Variants in SVIL observed in about 807,000 individuals in gnomAD.
The protein encoded by SVIL is archvillin.
SVIL carries 101 observed loss-of-function variants against 240.4 expected under a neutral mutation model. That is an observed-to-expected ratio of 0.42 (90% CI 0.36 to 0.50). SVIL has a LOEUF of 0.50. SVIL is among the 20% of genes least tolerant of loss of function. SVIL has a pLI of 0.01. For missense variants in SVIL, 2,512 were observed against 2,818.7 expected (o/e 0.89, Z 2.46); for synonymous variants, 999 against 1,100.0 (o/e 0.91, Z 1.82).
intron 16 of SVIL, among the ~76,000 whole-genome samples, chr10:29,516,706 G>C (rs1950224792): frequency 6.6e-6 from 1 of 152,236 alleles, no homozygotes; most frequent in Non-Finnish European, 1.5e-5. Flanking sequence ...CCCAGAGAGA[G>C]GCACGACACT....
chr10:29,579,219 T>C (rs1024255850), intron 1 of SVIL, among the ~76,000 whole-genome samples: 10 of 151,736 alleles, frequency 6.6e-5, no homozygotes, highest in African/African-American at 2.2e-4. Flanking sequence ...GGGCGGATCA[T>C]GAGGTCAGGA....
chr10:29,683,378 T>C (rs1333216320), intron 2 of SVIL, among the ~76,000 whole-genome samples: 1 of 152,218 alleles, frequency 6.6e-6, no homozygotes, highest in Non-Finnish European at 1.5e-5. Context: ...TAAAGGTTTC[T>C]TATTAGACTT....
intron 28 of SVIL, among the ~76,000 whole-genome samples, chr10:29,481,335 G>A (rs980463543): frequency 5.3e-5 from 8 of 151,964 alleles, no homozygotes; most frequent in Non-Finnish European, 8.8e-5. Flanking sequence ...TTGGCCAACC[G>A]GTACAAAGTG....
intron 2 of SVIL, among the ~76,000 whole-genome samples, chr10:29,670,499 G>C (rs1327355348): frequency 6.6e-6 from 1 of 152,254 alleles, no homozygotes; most frequent in East Asian, 1.9e-4. Context: ...GGCTTAGTCT[G>C]ATGGGAAAGA....
intron 3 of SVIL, among the ~76,000 whole-genome samples, chr10:29,644,503 T>C (rs888423631): frequency 2.6e-5 from 4 of 152,018 alleles, no homozygotes; most frequent in Admixed American, 2.0e-4. Flanking sequence ...ACGTAATGGC[T>C]ATGCACTCGG....
At position 29,465,588 on chromosome 10, in the gene SVIL, G is replaced by A; in HGVS notation, c.6133+7C>T. 1 of 1,602,378 alleles carries A rather than the reference G, an allele frequency of 6.2e-7. No homozygotes were observed. The highest frequency in any genetic ancestry group is 8.5e-7 in the Non-Finnish European group (1 of 1,174,060). ...TGCTCAGCATAGCTGCCCCCTGCAGGCCTTACCTGGCTGGGGCGCGCTGTA... is the reference window on the plus strand; with the variant it reads ...TGCTCAGCATAGCTGCCCCCTGCAGACCTTACCTGGCTGGGGCGCGCTGTA... On this transcript the variant is annotated splice_region_variant and intron_variant, in intron 34 of 37. Coordinates refer to ENST00000355867, the MANE Select transcript of SVIL (RefSeq NM_021738.3).
At chr10:29,710,656 A>C (rs1963213412) in intron 1 of SVIL, among the ~76,000 whole-genome samples, 1 of 152,244 alleles carries the variant, frequency 6.6e-6, no homozygotes, top group Non-Finnish European at 1.5e-5. Flanking sequence ...TAACAAACAC[A>C]GACCAGCATG....
At chr10:29,512,445 C>T (rs1015601278) in intron 17 of SVIL, among the ~76,000 whole-genome samples, 4 of 152,184 alleles carry the variant, frequency 2.6e-5, no homozygotes, top group African/African-American at 9.7e-5. Flanking sequence ...GAAAGCCAGA[C>T]TTCATTTAAG....
chr10:29,733,908 T>C (rs1449862156), intron 1 of SVIL, among the ~76,000 whole-genome samples: 1 of 152,278 alleles, frequency 6.6e-6, no homozygotes, highest in Non-Finnish European at 1.5e-5. Context: ...GATACAACCA[T>C]ATCCTTGGAT....
chr10:29,492,164 A>G (rs1183985173), intron 21 of SVIL, among the ~76,000 whole-genome samples: 2 of 152,012 alleles, frequency 1.3e-5, no homozygotes, highest in Non-Finnish European at 2.9e-5. Flanking sequence ...TCGTGGCTCT[A>G]AAGGAGACCC....
intron 2 of SVIL, among the ~76,000 whole-genome samples, chr10:29,665,219 T>C (rs1959209529): frequency 8.2e-6 from 1 of 121,548 alleles, no homozygotes; most frequent in Non-Finnish European, 1.7e-5. Context: ...CAGAGCAAGA[T>C]CTTGTCTCAA....
rs1944529239 is a variant in SVIL at position 29,463,587 on chromosome 10, C to A, written c.6182G>T (p.Trp2061Leu). The change falls in exon 35 of 38, where the codon TGG (tryptophan) becomes TTG (leucine). Residue 2061 changes from tryptophan (W) to leucine (L), a missense_variant. Coordinates refer to ENST00000355867, the MANE Select transcript of SVIL (RefSeq NM_021738.3). ...NHHEVYLWQG[W>L]WPIENKITGS... ...AGTGATCTTGTTCTCGATGGGCCAC[C>A]AGCCTTGCCAGAGGTACACCTCGTG... 6.2e-7 allele frequency: 1 copy of A among 1,614,042 alleles called. No individual in the cohort carries two copies. Among genetic ancestry groups the A allele is most frequent in the South Asian group, 1.1e-5 (1 of 91,086 alleles).
At chr10:29,620,330 A>C (rs1957584695) in intron 1 of SVIL, among the ~76,000 whole-genome samples, 1 of 152,056 alleles carries the variant, frequency 6.6e-6, no homozygotes. Context: ...AAAGAAAGAA[A>C]AGAAGGGAAA....
intron 1 of SVIL, among the ~76,000 whole-genome samples, chr10:29,578,799 T>C (rs1303045271): frequency 3.3e-5 from 5 of 152,328 alleles, no homozygotes; most frequent in Middle Eastern, 3.4e-3. Context: ...AGGCAAGCAC[T>C]GAAATCACTT....
At chr10:29,618,394 C>A (rs1325149936) in intron 1 of SVIL, among the ~76,000 whole-genome samples, 3 of 152,180 alleles carry the variant, frequency 2.0e-5, no homozygotes, top group Non-Finnish European at 4.4e-5. Context: ...CAATATGACA[C>A]CCTGCTGAAG....
chr10:29,565,374 G>T (rs1277713131), intron 2 of SVIL, among the ~76,000 whole-genome samples: 1 of 152,210 alleles, frequency 6.6e-6, no homozygotes, highest in Non-Finnish European at 1.5e-5. Flanking sequence ...GCACCCATGT[G>T]AAGTGCAGCC....
rs1189194250 is a variant in SVIL, at chr10:29,523,979, CTGA to C, written c.2632_2634del (p.Ser878del). 1 of 1,614,206 alleles carries C rather than the reference CTGA, an allele frequency of 6.2e-7. No homozygotes were observed. The highest frequency in any genetic ancestry group is 1.7e-5 in the Admixed American group (1 of 60,020). On this transcript the variant is annotated inframe_deletion, in exon 15 of 38. Transcript: ENST00000355867. ...GCAACCGTGGATGCTACGGTAGACACTGATGTGTTCACGGCAGGTGAGAAAGGA... is the reference window on the plus strand; with the variant it reads ...GCAACCGTGGATGCTACGGTAGACACTGTGTTCACGGCAGGTGAGAAAGGA...
At chr10:29,535,738 G>T (rs1042782149) in intron 7 of SVIL, among the ~76,000 whole-genome samples, 1 of 152,180 alleles carries the variant, frequency 6.6e-6, no homozygotes. Context: ...AAAGCAAAAG[G>T]TCAAGTAAAA....
chr10:29,530,579 T>C, intron 11 of SVIL, 28 bp downstream of exon 11: 2 of 1,613,720 alleles, frequency 1.2e-6, no homozygotes, highest in South Asian at 1.1e-5. Flanking sequence ...AGTAGGGATC[T>C]CTATTCAAGC....
Sources: allele counts gnomAD v4.1 joint callset (sites outside exome capture counted in the v4.1 genomes callset), GRCh38; gene constraint gnomAD v4.1.1; transcripts MANE v1.5; gene names NCBI Gene and HGNC (gene_info 2026-07-23, HGNC 2026-07-21).